The following GREB1 variants were observed in gnomAD, a reference collection of about 807,000 sequenced individuals.
The protein encoded by GREB1 is growth regulating estrogen receptor binding 1.
In GREB1, 106 loss-of-function variants were observed where a neutral mutation model predicts 200.7. The observed-to-expected ratio is 0.53, with a 90% CI of 0.45 to 0.62. The LOEUF is 0.62. GREB1 is among the 20% of genes least tolerant of loss of function. The pLI is 0.00. For missense variants in GREB1, 2,243 were observed against 2,556.8 expected (o/e 0.88, Z 2.65); for synonymous variants, 1,132 against 1,092.4 (o/e 1.04, Z -0.72).
At chr2:11,603,171 T>C (rs529347101) in intron 17 of GREB1, among the ~76,000 whole-genome samples, 3 of 152,306 alleles carry the variant, frequency 2.0e-5, no homozygotes, top group South Asian at 2.1e-4. Flanking sequence ...ATAGATGAAA[T>C]TGAGGCTCAG....
chr2:11,575,300 C>T (rs533312616), intron 4 of GREB1, among the ~76,000 whole-genome samples: 2 of 152,354 alleles, frequency 1.3e-5, no homozygotes, highest in African/African-American at 2.4e-5. Flanking sequence ...GTCTTAAGAT[C>T]GTTTAAATAA....
intron 1 of GREB1, among the ~76,000 whole-genome samples, chr2:11,519,801 T>A (rs181274516): frequency 1.3e-5 from 2 of 152,282 alleles, no homozygotes; most frequent in East Asian, 3.9e-4. Flanking sequence ...AAGACTAAAG[T>A]TCTGTGAGAA....
chr2:11,618,537 A>G lies in GREB1; in HGVS notation c.3662A>G (p.Gln1221Arg). Residue 1221 changes from glutamine to arginine, a missense_variant, in exon 22 of 33, where the codon CAG (glutamine) becomes CGG (arginine). By Grantham distance (43) the Gln-to-Arg change is conservative. Around this residue, in one of 3 missense-constraint regions of GREB1, gnomAD observed 587 missense variants for 553.1 expected, o/e 1.06. Transcript: ENST00000381486. ...GTGTCGGTCACCTCGTCGTGCTCCC[A>G]GCTGTCCTCCTCCTCGGGCTCATCC... ...VQVSVTSSCS[Q>R]LSSSSGSSSS... 1 of 1,612,590 alleles carries G rather than the reference A, an allele frequency of 6.2e-7. No homozygotes were observed. The highest frequency in any genetic ancestry group is 1.3e-5 in the African/African-American group (1 of 75,022).
chr2:11,502,684 T>C lies in GREB1; in HGVS notation c.-159+20303T>C, dbSNP rs1673080791. 2.0e-5 allele frequency among the ~76,000 whole-genome samples: 3 copies of C among 152,218 alleles called. 1 individual carries two copies. Among genetic ancestry groups the C allele is most frequent in the South Asian group, 4.1e-4 (2 of 4,830 alleles). On this transcript the variant is annotated intron_variant, in intron 1 of 2. Coordinates refer to the GREB1 transcript ENST00000628795. ...GAGGAAGATAAACTTTTATCTTTAT[T>C]ATCTATTTATATACAAATATGATGA... is the stretch of plus-strand genomic sequence containing the variant.
intron 5 of GREB1, 77 bp from the exon 6 acceptor site, chr2:11,578,220 G>C: frequency 6.7e-7 from 1 of 1,493,940 alleles, no homozygotes. Context: ...TGTAGGACAC[G>C]TTCCACTCCA....
chr2:11,580,113 A>T lies in GREB1; in HGVS notation c.773-591A>T, dbSNP rs1679308165. Among the ~76,000 whole-genome samples, 1 of 152,096 alleles carries T rather than the reference A, an allele frequency of 6.6e-6. No homozygotes were observed. Among genetic ancestry groups the T allele is most frequent in the Admixed American group, 6.5e-5 (1 of 15,272 alleles). On this transcript the variant is annotated intron_variant, in intron 6 of 32. Transcript: ENST00000381486. The surrounding 1 kb of genome is among the most constrained non-coding windows in gnomAD (Gnocchi z 4.5). ...TTATAAAACCATCAGGTCTCGTGAG[A>T]CTTCTTCACTATCACGAGAACAGTA... is the stretch of plus-strand genomic sequence containing the variant.
chr2:11,506,794 C>A (rs2148439578), intron 1 of GREB1, among the ~76,000 whole-genome samples: 1 of 152,280 alleles, frequency 6.6e-6, no homozygotes, highest in East Asian at 1.9e-4. Context: ...GACTCTCCAT[C>A]CTGGGGAGGA....
intron 30 of GREB1, among the ~76,000 whole-genome samples, chr2:11,637,427 G>A (rs1685472163): frequency 6.6e-6 from 1 of 152,128 alleles, no homozygotes; most frequent in South Asian, 2.1e-4. Flanking sequence ...CAGACCCATG[G>A]GTTCTCTTGT....
chr2:11,572,227 G>A (rs1009947112), intron 4 of GREB1, among the ~76,000 whole-genome samples: 1 of 152,222 alleles, frequency 6.6e-6, no homozygotes, highest in Admixed American at 6.5e-5. Context: ...ACTGGATGGA[G>A]GCATCAGGCC....
intron 2 of GREB1, among the ~76,000 whole-genome samples, chr2:11,558,659 C>T (rs1038283571): frequency 6.6e-6 from 1 of 152,150 alleles, no homozygotes; most frequent in African/African-American, 2.4e-5. Flanking sequence ...CTAAATGTTA[C>T]CCTAAACCAA....
chr2:11,551,338 C>G (rs1053699763), intron 1 of GREB1, among the ~76,000 whole-genome samples: 1 of 152,226 alleles, frequency 6.6e-6, no homozygotes, highest in Non-Finnish European at 1.5e-5. Flanking sequence ...GTGCCTCACT[C>G]TTAAAGATAA....
chr2:11,557,438 T>C (rs1357636118), intron 2 of GREB1, among the ~76,000 whole-genome samples: 1 of 152,248 alleles, frequency 6.6e-6, no homozygotes, highest in African/African-American at 2.4e-5. Flanking sequence ...AGACTTCTCT[T>C]AGTTATTGAA....
At chr2:11,630,317 C>T (rs1684784346) in intron 26 of GREB1, among the ~76,000 whole-genome samples, 1 of 152,228 alleles carries the variant, frequency 6.6e-6, no homozygotes. Context: ...GTTACTTGAA[C>T]ATGTCACTTA....
At chr2:11,573,192 A>G (rs1678488959) in intron 4 of GREB1, among the ~76,000 whole-genome samples, 1 of 152,152 alleles carries the variant, frequency 6.6e-6, no homozygotes. Context: ...CTCTCAGCAG[A>G]AGGGGAGAGG....
chr2:11,514,232 T>C (rs918772100), intron 1 of GREB1, among the ~76,000 whole-genome samples: 2 of 152,246 alleles, frequency 1.3e-5, no homozygotes, highest in Non-Finnish European at 2.9e-5. Flanking sequence ...CTGGCTTATT[T>C]ACATAGAGTT....
intron 4 of GREB1, among the ~76,000 whole-genome samples, chr2:11,567,490 C>G (rs925832755): frequency 1.3e-5 from 2 of 152,098 alleles, no homozygotes. Flanking sequence ...CTCAAGGCCG[C>G]GTGAGTAAAG....
At chr2:11,538,960 T>TCCTGTCCCCTCCCCC (rs1674506398) in intron 1 of GREB1, among the ~76,000 whole-genome samples, 1 of 57,434 alleles carries the variant, frequency 1.7e-5, no homozygotes, top group Non-Finnish European at 3.0e-5. Context: ...TCCCCTCCCC[T>TCCTGTCCCCTCCCCC]CCTCTCCCCT....
chr2:11,640,148 A>G lies in GREB1; in HGVS notation c.5687-143A>G. 1 of 695,902 alleles carries G rather than the reference A, an allele frequency of 1.4e-6. No homozygotes were observed. The highest frequency in any genetic ancestry group is 2.4e-6 in the Non-Finnish European group (1 of 423,358). The allele number at this position is 695,902 out of a possible 1,614,324, so 43.1% of individuals were successfully genotyped here. A position where few individuals can be genotyped will look rare whatever the true frequency, so the allele number is the denominator to read the frequency against. ...CGCTAAGATTGTACATCATCCCGAA[A>G]GAAGCAAGGGGCCGACTTGGATGCC... is the stretch of plus-strand genomic sequence containing the variant. On this transcript the variant is annotated intron_variant, in intron 32 of 32. Coordinates refer to ENST00000381486, the MANE Select transcript of GREB1 (RefSeq NM_014668.4). The surrounding 1 kb of genome is among the most constrained non-coding windows in gnomAD (Gnocchi z 4.6).
intron 4 of GREB1, among the ~76,000 whole-genome samples, chr2:11,575,363 C>T (rs774661396): frequency 3.3e-4 from 51 of 152,342 alleles, no homozygotes; most frequent in Non-Finnish European, 6.0e-4. Flanking sequence ...TCTTAACCAA[C>T]GCTCCCAATG....
Sources: gnomAD v4.1 joint callset for allele counts (sites outside exome capture counted in the v4.1 genomes callset) on GRCh38, gnomAD v4.1.1 for gene constraint, gnomAD v4.1.1 regional missense constraint, Gnocchi (gnomAD v3.1) non-coding constraint, MANE v1.5 for transcripts, NCBI Gene and HGNC (gene_info 2026-07-23, HGNC 2026-07-21) for gene names.